The following FBXO21 variants were observed in gnomAD, a reference collection of about 807,000 sequenced individuals.
FBXO21 encodes F-box only protein 21.
Under a neutral mutation model 76.6 loss-of-function variants are expected in FBXO21, and 32 were observed. The observed-to-expected ratio is 0.42, with a 90% CI of 0.32 to 0.56. The LOEUF (loss-of-function observed/expected upper bound fraction) is 0.56. Ranked by LOEUF, FBXO21 falls within the 20% of genes least tolerant of loss-of-function variation. The probability of loss-of-function intolerance (pLI) is 0.16; values close to 1 mark genes in which losing one functional copy is unlikely to be tolerated. For missense variants in FBXO21, 586 were observed against 797.3 expected, an observed-to-expected ratio of 0.73 and a Z score of 3.19; for synonymous variants, 328 against 311.5, an observed-to-expected ratio of 1.05 and a Z score of -0.56.
chr12:117,146,882 T>C (rs952571936), intron 11 of FBXO21, among the ~76,000 whole-genome samples: 1 of 152,220 alleles, frequency 6.6e-6, no homozygotes, highest in Non-Finnish European at 1.5e-5. Context: ...CAGATGTTAT[T>C]ATCTGTACCA....
intron 7 of FBXO21, among the ~76,000 whole-genome samples, chr12:117,171,031 AG>A (rs1349889376): frequency 2.0e-5 from 3 of 152,204 alleles, no homozygotes; most frequent in Non-Finnish European, 2.9e-5. Flanking sequence ...TGGGTATTTA[AG>A]GCAACACACA....
chr12:117,186,623 TC>T, intron 2 of FBXO21, 52 bp from the exon 3 acceptor site: 2 of 1,119,962 alleles, frequency 1.8e-6, no homozygotes, highest in Middle Eastern at 2.0e-4. Flanking sequence ...TTGATGCAAC[TC>T]TCACTCTCAC....
chr12:117,145,520 A>G lies in FBXO21; in HGVS notation c.*567T>C, dbSNP rs1286338458. On this transcript the variant is annotated 3_prime_UTR_variant, in exon 12 of 12. Transcript: ENST00000622495. ...ACATATTAGAAAAAAATAAATTCAA[A>G]TGATTCTAATTACCATTAGCTTGTT... 1 of 152,238 alleles carries G rather than the reference A, an allele frequency of 6.6e-6. No homozygotes were observed. The highest frequency in any genetic ancestry group is 1.5e-5 in the Non-Finnish European group (1 of 68,038). The allele number at this position is 152,238 out of a possible 1,614,324, so 9.4% of individuals were successfully genotyped here.
intron 11 of FBXO21, chr12:117,154,157 C>G (rs1230950430): frequency 1.3e-5 from 2 of 152,216 alleles, no homozygotes; most frequent in Non-Finnish European, 2.9e-5. Context: ...TCAATAATGT[C>G]CAAATCATGT....
rs761025781 is a variant in FBXO21, at chr12:117,142,673, C to CAAAAAAA, written c.*3407_*3413dup. On this transcript the variant is annotated 3_prime_UTR_variant, in exon 12 of 12. Coordinates refer to ENST00000622495, the MANE Select transcript of FBXO21 (RefSeq NM_015002.3). The stretch of plus-strand genomic sequence containing the variant: ...TCCAGTTGATGTCTCTCCTTCCCTC[C>CAAAAAAA]AAAAAAAAAAAAAAAAAAAAAAGAC... 1 of 100,692 alleles carries CAAAAAAA rather than the reference C, an allele frequency of 9.9e-6. No individual in the cohort carries two copies. The highest frequency in any genetic ancestry group is 3.8e-5 in the African/African-American group (1 of 26,026). The allele number at this position is 100,692 out of a possible 1,614,324, so 6.2% of individuals were successfully genotyped here.
At chr12:117,175,922 TAA>T (rs1956168496) in intron 4 of FBXO21, among the ~76,000 whole-genome samples, 1 of 152,194 alleles carries the variant, frequency 6.6e-6, no homozygotes, top group African/African-American at 2.4e-5. Flanking sequence ...TTTTCATACA[TAA>T]GCTACAAAAA....
chr12:117,170,715 C>A (rs10774905), intron 7 of FBXO21, among the ~76,000 whole-genome samples: 95,806 of 152,072 alleles, frequency 0.63, 32,725 homozygotes, highest in African/African-American at 0.91. Context: ...CTGTAGCACA[C>A]GAAGGAAAAA....
chr12:117,173,755 C>G (rs532919122), intron 6 of FBXO21, among the ~76,000 whole-genome samples: 4 of 152,146 alleles, frequency 2.6e-5, no homozygotes, highest in Admixed American at 1.3e-4. Context: ...AATATCCTTA[C>G]AGCAGAAGGA....
intron 10 of FBXO21, 150 bp from the exon 11 acceptor site, chr12:117,156,098 C>G: frequency 1.6e-6 from 1 of 642,704 alleles, no homozygotes; most frequent in East Asian, 2.6e-5. Flanking sequence ...CTTTTATAAA[C>G]ACCTCTTATT....
At chr12:117,165,060 G>A (rs1193596098) in intron 9 of FBXO21, among the ~76,000 whole-genome samples, 1 of 151,916 alleles carries the variant, frequency 6.6e-6, no homozygotes, top group African/African-American at 2.4e-5. Context: ...TCCAGTGGCT[G>A]GACTTGAACA....
chr12:117,168,321 C>T (rs775380129), intron 7 of FBXO21, among the ~76,000 whole-genome samples: 2 of 152,054 alleles, frequency 1.3e-5, no homozygotes, highest in Admixed American at 6.6e-5. Context: ...GTCAAGAGAT[C>T]GAGACCATCC....
intron 2 of FBXO21, among the ~76,000 whole-genome samples, chr12:117,188,273 G>C (rs1037275659): frequency 6.6e-6 from 1 of 152,154 alleles, no homozygotes; most frequent in South Asian, 2.1e-4. Context: ...GGCCAGGCAC[G>C]GTGGCTCACG....
At chr12:117,156,036 C>A in intron 10 of FBXO21, 88 bp from the exon 11 acceptor site, 1 of 1,226,686 alleles carries the variant, frequency 8.2e-7, no homozygotes, top group Non-Finnish European at 1.2e-6. Flanking sequence ...CTCACATCCT[C>A]AGTTACCTGC....
chr12:117,174,088 G>C (rs1956147901), intron 6 of FBXO21, 117 bp downstream of exon 6: 1 of 841,860 alleles, frequency 1.2e-6, no homozygotes, highest in African/African-American at 1.7e-5. Flanking sequence ...GGTAAGCTAT[G>C]ATCGCGCCAC....
At chr12:117,163,869 G>A (rs1956015743) in intron 9 of FBXO21, among the ~76,000 whole-genome samples, 1 of 152,080 alleles carries the variant, frequency 6.6e-6, no homozygotes, top group South Asian at 2.1e-4. Context: ...GCTTGAACCT[G>A]GAAGGGAGAG....
At chr12:117,184,349 A>G (rs1229192632) in intron 3 of FBXO21, among the ~76,000 whole-genome samples, 1 of 152,184 alleles carries the variant, frequency 6.6e-6, no homozygotes, top group African/African-American at 2.4e-5. Context: ...ATGTCTTTCA[A>G]TAACATCCTA....
chr12:117,168,162 T>C (rs1447890338), intron 7 of FBXO21, among the ~76,000 whole-genome samples: 2 of 152,198 alleles, frequency 1.3e-5, no homozygotes, highest in Non-Finnish European at 2.9e-5. Context: ...AATCGTAGCA[T>C]ATTCCTCTCT....
At chr12:117,175,875 A>G (rs1287275042) in intron 4 of FBXO21, among the ~76,000 whole-genome samples, 1 of 152,238 alleles carries the variant, frequency 6.6e-6, no homozygotes, top group African/African-American at 2.4e-5. Flanking sequence ...TTTGAAAATT[A>G]TAACTTTGTA....
Position 117,182,318 on chromosome 12 carries a change from A to G in FBXO21, c.470+4159T>C, listed in dbSNP as rs201297925. ...AGACCAGCCTGGGAAACATAGTGAG[A>G]CACTGTCTCTACCAAATAAAAATTA... On this transcript the variant is annotated intron_variant, in intron 3 of 11. Transcript: ENST00000622495. Among the ~76,000 whole-genome samples, 15 of 152,278 alleles carry G rather than the reference A, an allele frequency of 9.9e-5. No homozygotes were observed. The East Asian group carries it at 2.7e-3, about 28-fold the overall frequency.
Sources: gnomAD v4.1 joint callset for allele counts (sites outside exome capture counted in the v4.1 genomes callset) on GRCh38, gnomAD v4.1.1 for gene constraint, MANE v1.5 for transcripts, NCBI Gene and HGNC (gene_info 2026-07-23, HGNC 2026-07-21) for gene names.